Variants in RMND1 observed in about 807,000 individuals in gnomAD.
RMND1 encodes required for meiotic nuclear division protein 1 homolog.
A neutral mutation model predicts 54.0 loss-of-function variants in RMND1; 41 were observed. The ratio of observed to expected loss-of-function variants is 0.76; its 90% confidence interval spans 0.59 to 0.98. The LOEUF is 0.98. Among genes scored for constraint, RMND1 ranks in the 50% least tolerant of loss-of-function variants. The pLI is 0.00. For synonymous variants in RMND1, 183 were observed against 181.7 expected, an observed-to-expected ratio of 1.01 and a Z score of -0.06; for missense variants, 457 against 532.0, an observed-to-expected ratio of 0.86 and a Z score of 1.39.
intron 2 of RMND1, among the ~76,000 whole-genome samples, chr6:151,439,087 C>T (rs1161785783): frequency 1.3e-5 from 2 of 152,128 alleles, no homozygotes; most frequent in South Asian, 2.1e-4. Flanking sequence ...GCACTCTGGG[C>T]GACACAGCAA....
chr6:151,430,052 C>T (rs1205641963), intron 5 of RMND1, 86 bp downstream of exon 5: 1 of 814,184 alleles, frequency 1.2e-6, no homozygotes, highest in Non-Finnish European at 2.1e-6. Context: ...TATTAATTTC[C>T]CTTCTAATGT....
chr6:151,412,597 T>C (rs1174975778), intron 10 of RMND1, among the ~76,000 whole-genome samples: 1 of 152,228 alleles, frequency 6.6e-6, no homozygotes. Flanking sequence ...CTCACTGCTA[T>C]AAAGAAATAC....
intron 10 of RMND1, among the ~76,000 whole-genome samples, chr6:151,410,602 A>C (rs1779800475): frequency 6.6e-6 from 1 of 152,138 alleles, no homozygotes; most frequent in Admixed American, 6.5e-5. Context: ...CAGAAGACTT[A>C]ACACCAAAAA....
chr6:151,443,334 C>G (rs1016656251), intron 2 of RMND1, among the ~76,000 whole-genome samples: 4 of 152,034 alleles, frequency 2.6e-5, no homozygotes, highest in African/African-American at 9.7e-5. Context: ...TTTTTTGAGA[C>G]AGAGTCTCAC....
intron 10 of RMND1, among the ~76,000 whole-genome samples, chr6:151,412,438 T>C (rs1779875540): frequency 6.6e-6 from 1 of 152,146 alleles, no homozygotes; most frequent in African/African-American, 2.4e-5. Flanking sequence ...ATTATAAGCA[T>C]GAGCCACTGT....
chr6:151,449,700 C>G lies in RMND1; in HGVS notation c.-15+2316G>C, dbSNP rs1405721789. Among the ~76,000 whole-genome samples the G allele has an allele frequency of 2.0e-5, 3 of 152,184 alleles. 1 individual carries two copies. The highest frequency in any genetic ancestry group is 4.4e-5 in the Non-Finnish European group (3 of 68,042). On this transcript the variant is annotated intron_variant, in intron 1 of 11. Coordinates refer to ENST00000444024, the MANE Select transcript of RMND1 (RefSeq NM_017909.4). ...CCCACGGTCTCCCTCTGATGCCGAG[C>G]CGAAGCTGGACTGTACTGCTGCCAT...
At chr6:151,432,491 T>C (rs900369814) in intron 4 of RMND1, among the ~76,000 whole-genome samples, 24 of 151,634 alleles carry the variant, frequency 1.6e-4, no homozygotes, top group African/African-American at 4.1e-4. Flanking sequence ...TCCATGTGTT[T>C]CTGTTCTGTC....
chr6:151,410,303 CCTT>C (rs1464291312), intron 10 of RMND1, among the ~76,000 whole-genome samples: 13 of 152,174 alleles, frequency 8.5e-5, no homozygotes, highest in South Asian at 4.1e-4. Context: ...GATCCGCCCT[CCTT>C]GGCCTCCCAA....
At chr6:151,435,177 A>T (rs1298644757) in intron 3 of RMND1, among the ~76,000 whole-genome samples, 1 of 137,860 alleles carries the variant, frequency 7.3e-6, no homozygotes, top group Non-Finnish European at 1.6e-5. Flanking sequence ...ACAGAGTCTC[A>T]CTCTGTCGCC....
At chr6:151,415,049 G>GAA (rs112952135) in intron 10 of RMND1, among the ~76,000 whole-genome samples, 3 of 142,614 alleles carry the variant, frequency 2.1e-5, no homozygotes, top group Non-Finnish European at 3.1e-5. Flanking sequence ...TAAAGTTCTT[G>GAA]AAAAAAAAAA....
At chr6:151,450,765 GAAAGGGGGGGA>G (rs993054599) in intron 1 of RMND1, among the ~76,000 whole-genome samples, 1 of 139,292 alleles carries the variant, frequency 7.2e-6, no homozygotes, top group Non-Finnish European at 1.6e-5. Flanking sequence ...AGAAAGGGGG[GAAAGGGGGGGA>G]AAAGATTGAG....
intron 8 of RMND1, among the ~76,000 whole-genome samples, chr6:151,421,869 CT>C (rs1780160905): frequency 6.6e-6 from 1 of 151,808 alleles, no homozygotes; most frequent in Non-Finnish European, 1.5e-5. Flanking sequence ...AATGCTAGAA[CT>C]TTGGGAGGCC....
intron 3 of RMND1, chr6:151,436,177 AGAAATGAAG>A: frequency 6.7e-6 from 2 of 300,402 alleles, no homozygotes; most frequent in Non-Finnish European, 1.3e-5. Context: ...TTAATGTGCT[AGAAATGAAG>A]TAGTATGACC....
At chr6:151,421,078 A>G in intron 9 of RMND1, 167 bp downstream of exon 9, 1 of 580,092 alleles carries the variant, frequency 1.7e-6, no homozygotes, top group Admixed American at 3.3e-5. Flanking sequence ...AACACAGCCC[A>G]ACTACTTCTA....
At chr6:151,449,542 C>T (rs1346972402) in intron 1 of RMND1, among the ~76,000 whole-genome samples, 2 of 152,084 alleles carry the variant, frequency 1.3e-5, no homozygotes, top group African/African-American at 4.8e-5. Context: ...CTGAAAGGCT[C>T]ACACCCTCAC....
intron 10 of RMND1, among the ~76,000 whole-genome samples, chr6:151,416,107 T>C (rs1472806597): frequency 2.6e-5 from 4 of 151,642 alleles, no homozygotes; most frequent in Middle Eastern, 3.4e-3. Flanking sequence ...GCCTCCCGAG[T>C]AGCTGGGACT....
intron 6 of RMND1, among the ~76,000 whole-genome samples, chr6:151,425,898 C>G (rs962268497): frequency 1.3e-5 from 2 of 151,598 alleles, no homozygotes; most frequent in African/African-American, 2.4e-5. Flanking sequence ...CTTTCTATAG[C>G]TAGTCTCTGT....
chr6:151,405,950 G>GCAGC (rs1312674670), intron 10 of RMND1, 114 bp from the exon 11 acceptor site: 1 of 521,748 alleles, frequency 1.9e-6, no homozygotes, highest in East Asian at 3.0e-5. Context: ...CTCCCCAAAG[G>GCAGC]CAGCCACCAA....
intron 10 of RMND1, among the ~76,000 whole-genome samples, chr6:151,414,433 T>C (rs986233094): frequency 6.6e-5 from 10 of 151,980 alleles, no homozygotes; most frequent in African/African-American, 2.4e-4. Flanking sequence ...TTAAAATTAG[T>C]TGGAGGGAAT....
Sources: gnomAD v4.1 joint callset for allele counts (sites outside exome capture counted in the v4.1 genomes callset) on GRCh38, gnomAD v4.1.1 for gene constraint, MANE v1.5 for transcripts, NCBI Gene and HGNC (gene_info 2026-07-23, HGNC 2026-07-21) for gene names.